Variants in AOX1 observed in about 807,000 individuals in gnomAD.
AOX1 encodes the protein aldehyde oxidase 1, also known as aldehyde oxidase.
In AOX1, 153 loss-of-function variants were observed where a neutral mutation model predicts 169.5. That is an observed-to-expected ratio of 0.90 (90% CI 0.79 to 1.03). The LOEUF is 1.03. Among genes scored for constraint, AOX1 ranks in the 50% least tolerant of loss-of-function variants. AOX1 has a pLI of 0.00. For synonymous variants in AOX1, 562 were observed against 581.9 expected (o/e 0.97, Z 0.49); for missense variants, 1,656 against 1,663.9 (o/e 1.00, Z 0.08).
Position 200,620,839 on chromosome 2 carries a change from C to T in AOX1, c.1874+20C>T. Reference sequence around the variant, plus strand: ...GATTGTGTAAGTGGTAAAATTCTTACTCAATGGGCATAAATGATTGTCTTT... The same window carrying T: ...GATTGTGTAAGTGGTAAAATTCTTATTCAATGGGCATAAATGATTGTCTTT... On this transcript the variant is annotated intron_variant, in intron 17 of 34. Transcript: ENST00000374700. 6.3e-7 allele frequency: 1 copy of T among 1,586,656 alleles called. No homozygotes were observed. Among genetic ancestry groups the T allele is most frequent in the Non-Finnish European group, 8.5e-7 (1 of 1,172,002 alleles).
At chr2:200,639,805 C>T (rs1250476200) in intron 23 of AOX1, among the ~76,000 whole-genome samples, 1 of 151,912 alleles carries the variant, frequency 6.6e-6, no homozygotes, top group Non-Finnish European at 1.5e-5. Flanking sequence ...GAGGCTGAGG[C>T]GGGTGAATTG....
intron 19 of AOX1, among the ~76,000 whole-genome samples, chr2:200,625,411 A>T (rs920798982): frequency 6.6e-6 from 1 of 152,152 alleles, no homozygotes; most frequent in African/African-American, 2.4e-5. Flanking sequence ...ATAAGCAAAT[A>T]TAATAGATGC....
Position 200,651,128 on chromosome 2 carries a change from A to G in AOX1, c.3002A>G (p.Tyr1001Cys), listed in dbSNP as rs1049761898. ...VAVEKFNAEN[Y>C]WKKKGLAMVP... Reference sequence around the variant, plus strand: ...GTGGAAAAGTTCAATGCAGAGAATTATTGGAAGAAGAAAGGACTGGCCATG... The same window carrying G: ...GTGGAAAAGTTCAATGCAGAGAATTGTTGGAAGAAGAAAGGACTGGCCATG... The change falls in exon 26 of 35, where the codon TAT becomes TGT. Residue 1001 changes from tyrosine to cysteine, a missense_variant. Transcript: ENST00000374700. 6.2e-7 allele frequency: 1 copy of G among 1,614,208 alleles called. No individual in the cohort carries two copies. The highest frequency in any genetic ancestry group is 8.5e-7 in the Non-Finnish European group (1 of 1,180,034).
At chr2:200,618,120 G>A (rs954833233) in intron 16 of AOX1, among the ~76,000 whole-genome samples, 5 of 152,054 alleles carry the variant, frequency 3.3e-5, no homozygotes, top group Admixed American at 1.3e-4. Flanking sequence ...CCCTACATTC[G>A]TGGCCTAATA....
chr2:200,639,056 T>G (rs535854959), intron 23 of AOX1, among the ~76,000 whole-genome samples: 1 of 152,360 alleles, frequency 6.6e-6, no homozygotes, highest in Non-Finnish European at 1.5e-5. Flanking sequence ...TATTTAAATT[T>G]AAATTACCCA....
intron 1 of AOX1, among the ~76,000 whole-genome samples, chr2:200,587,498 T>C (rs1449213799): frequency 1.3e-5 from 2 of 152,196 alleles, no homozygotes; most frequent in African/African-American, 4.8e-5. Flanking sequence ...AGGCCTGTTC[T>C]AAGACCCTGA....
intron 14 of AOX1, among the ~76,000 whole-genome samples, chr2:200,613,238 A>G (rs762140401): frequency 6.6e-6 from 1 of 152,230 alleles, no homozygotes; most frequent in Non-Finnish European, 1.5e-5. Flanking sequence ...ACTTGGTATC[A>G]GCTGCCATAA....
intron 10 of AOX1, among the ~76,000 whole-genome samples, chr2:200,607,459 A>G (rs1352658669): frequency 6.6e-6 from 1 of 152,192 alleles, no homozygotes; most frequent in African/African-American, 2.4e-5. Context: ...TTAAAAAGTC[A>G]GGAAACAATA....
intron 1 of AOX1, among the ~76,000 whole-genome samples, chr2:200,588,004 G>T (rs572061162): frequency 6.6e-6 from 1 of 152,206 alleles, no homozygotes; most frequent in Non-Finnish European, 1.5e-5. Context: ...GTCCTTGCGT[G>T]CATGGAGCTT....
chr2:200,591,251 A>G (rs2106364157), intron 1 of AOX1, among the ~76,000 whole-genome samples: 1 of 152,352 alleles, frequency 6.6e-6, no homozygotes, highest in East Asian at 1.9e-4. Context: ...TCTTGTACAC[A>G]CACAAATAAT....
intron 23 of AOX1, among the ~76,000 whole-genome samples, 181 bp downstream of exon 23, chr2:200,638,483 C>T (rs1319386208): frequency 1.3e-5 from 2 of 152,174 alleles, no homozygotes; most frequent in East Asian, 3.9e-4. Flanking sequence ...TCAATGGAGG[C>T]TTTTCTGCTT....
downstream of AOX1, among the ~76,000 whole-genome samples, chr2:200,673,422 G>T (rs1198104395): frequency 1.3e-5 from 2 of 152,136 alleles, no homozygotes; most frequent in Non-Finnish European, 1.5e-5. Flanking sequence ...TGTTCTCTTT[G>T]CGCACACATC....
chr2:200,593,546 G>C (rs563216921), intron 2 of AOX1, among the ~76,000 whole-genome samples: 2 of 152,264 alleles, frequency 1.3e-5, no homozygotes, highest in Admixed American at 6.5e-5. Context: ...TAGGAAAAGA[G>C]AGCACAGAAG....
chr2:200,629,528 G>C (rs1198090312), intron 20 of AOX1, among the ~76,000 whole-genome samples: 2 of 152,174 alleles, frequency 1.3e-5, no homozygotes, highest in Admixed American at 6.5e-5. Context: ...ATGAGACCTA[G>C]AGATCCCTGT....
chr2:200,605,718 C>G (rs1423499576), intron 10 of AOX1, 90 bp downstream of exon 10: 28 of 558,022 alleles, frequency 5.0e-5, no homozygotes, highest in South Asian at 4.0e-4. Context: ...AGAATGATTC[C>G]TAATTATAAT....
At chr2:200,600,994 C>T (rs977507013) in intron 5 of AOX1, among the ~76,000 whole-genome samples, 7 of 151,326 alleles carry the variant, frequency 4.6e-5, no homozygotes, top group Non-Finnish European at 7.4e-5. Context: ...ATAATGTGCC[C>T]TACTGCTTTC....
In AOX1 at chr2:200,620,827, GTAAAATTCTTACTCAATGGGCA is replaced by G. The variant is rs2034870661; in HGVS notation, c.1874+13_1874+34del. 6.3e-7 allele frequency: 1 copy of G among 1,589,348 alleles called. No homozygotes were observed. The highest frequency in any genetic ancestry group is 8.5e-7 in the Non-Finnish European group (1 of 1,173,704). The stretch of plus-strand genomic sequence containing the variant: ...AGCTCATGCTAAGATTGTGTAAGTG[GTAAAATTCTTACTCAATGGGCA>G]TAAATGATTGTCTTTTCATCTAAGT... On this transcript the variant is annotated intron_variant, in intron 17 of 34. Transcript: ENST00000374700.
chr2:200,657,704 C>T (rs2035722629), intron 27 of AOX1, among the ~76,000 whole-genome samples: 1 of 152,084 alleles, frequency 6.6e-6, no homozygotes, highest in South Asian at 2.1e-4. Context: ...CAAACTTTAT[C>T]TGTTTGCTTT....
intron 26 of AOX1, among the ~76,000 whole-genome samples, chr2:200,653,631 G>A (rs1326923112): frequency 6.6e-6 from 1 of 152,354 alleles, no homozygotes; most frequent in African/African-American, 2.4e-5. Context: ...GGCAGTCCCT[G>A]CCCAGCAGCT....
Sources: allele counts gnomAD v4.1 joint callset (sites outside exome capture counted in the v4.1 genomes callset), GRCh38; gene constraint gnomAD v4.1.1; transcripts MANE v1.5; gene names NCBI Gene and HGNC (gene_info 2026-07-23, HGNC 2026-07-21).